CARNMT1: variants seen among roughly 807,000 people sequenced by gnomAD.
The protein encoded by CARNMT1 is protein-L-histidine N-pros-methyltransferase CARNMT1.
A neutral mutation model predicts 49.6 loss-of-function variants in CARNMT1; 28 were observed. The observed-to-expected ratio is 0.56, with a 90% CI of 0.42 to 0.77. The LOEUF is 0.77. CARNMT1 is among the 30% of genes least tolerant of loss of function. The pLI is 0.00. For synonymous variants in CARNMT1, 178 were observed against 175.0 expected (o/e 1.02, Z -0.13); for missense variants, 421 against 512.6 (o/e 0.82, Z 1.73).
rs564570087 is a variant in CARNMT1 at position 74,996,114 on chromosome 9, A to C, written c.1024+333T>G. 9.1e-4 allele frequency: 157 copies of C among 173,288 alleles called. 1 individual carries two copies. The highest frequency in any genetic ancestry group is 3.4e-3 in the African/African-American group (144 of 42,062). The allele number at this position is 173,288 out of a possible 1,614,324, so 10.7% of individuals were successfully genotyped here. ...TGCTTCATTATAGAAAGAAAAAGAG[A>C]ACACTCTCTTCCTAACAGAACGGAC... On this transcript the variant is annotated intron_variant, in intron 6 of 7. Transcript: ENST00000376834.
chr9:75,027,058 T>C, intron 1 of CARNMT1: 1 of 1,303,794 alleles, frequency 7.7e-7, no homozygotes, highest in Non-Finnish European at 1.0e-6. Context: ...TTTACCTGCG[T>C]AGGAGGTCAT....
At position 75,028,003 on chromosome 9, in the gene CARNMT1, G is replaced by A. The variant is rs1282421071; in HGVS notation, c.230+9C>T. ...CGGTCTGGGCCGGGGTCCGCCACGGGCTCCTTACCCGTAGTAGCGGAAGGC... is the reference window on the plus strand; with the variant it reads ...CGGTCTGGGCCGGGGTCCGCCACGGACTCCTTACCCGTAGTAGCGGAAGGC... On this transcript the variant is annotated intron_variant, in intron 1 of 7. Transcript: ENST00000376834. 5 of 1,557,782 alleles carry A rather than the reference G, an allele frequency of 3.2e-6. No individual in the cohort carries two copies. Among genetic ancestry groups the A allele is most frequent in the Admixed American group, 1.9e-5 (1 of 53,240 alleles).
rs1832726844 is a variant in CARNMT1 at position 74,983,058 on chromosome 9, C to T, written c.*709G>A. The T allele has an allele frequency of 6.6e-6, 1 of 151,822 alleles. No homozygotes were observed. The highest frequency in any genetic ancestry group is 1.5e-5 in the Non-Finnish European group (1 of 67,960). The allele number at this position is 151,822 out of a possible 1,614,324, so 9.4% of individuals were successfully genotyped here. On this transcript the variant is annotated 3_prime_UTR_variant, in exon 8 of 8. Coordinates refer to ENST00000376834, the MANE Select transcript of CARNMT1 (RefSeq NM_152420.3). ...TTAAGTTCATCTGAGCCAGAAAATA[C>T]AAAATTAAATTAATCTGAATGATAA...
intron 1 of CARNMT1, among the ~76,000 whole-genome samples, chr9:75,021,722 G>C (rs902174380): frequency 6.6e-6 from 1 of 151,904 alleles, no homozygotes; most frequent in Non-Finnish European, 1.5e-5. Context: ...TTTGAGGCCA[G>C]GTGTTCAAAA....
chr9:75,005,621 T>A (rs1833482262), intron 3 of CARNMT1, among the ~76,000 whole-genome samples: 1 of 151,696 alleles, frequency 6.6e-6, no homozygotes, highest in South Asian at 2.1e-4. Flanking sequence ...TACAGGCACC[T>A]GTCACCACGC....
intron 3 of CARNMT1, among the ~76,000 whole-genome samples, chr9:75,009,520 A>G (rs1045366718): frequency 6.6e-5 from 10 of 152,236 alleles, no homozygotes; most frequent in African/African-American, 2.4e-4. Flanking sequence ...ATAAAATAAA[A>G]GGTGAGAAGC....
chr9:75,018,291 G>A (rs561093720), intron 1 of CARNMT1, among the ~76,000 whole-genome samples: 6 of 152,094 alleles, frequency 3.9e-5, no homozygotes, highest in Admixed American at 2.0e-4. Flanking sequence ...CTCAAACTCC[G>A]GGGCTCAAGC....
chr9:75,020,981 T>C (rs1407276148), intron 1 of CARNMT1, among the ~76,000 whole-genome samples: 3 of 152,094 alleles, frequency 2.0e-5, no homozygotes, highest in Non-Finnish European at 4.4e-5. Flanking sequence ...AAGATAAGAA[T>C]GAACAATGAT....
rs545141700 is a variant in CARNMT1, at chr9:74,982,341, C to G, written c.*1426G>C. 277 of 152,278 alleles carry G rather than the reference C, an allele frequency of 1.8e-3. No individual in the cohort carries two copies. Among genetic ancestry groups the G allele is most frequent in the African/African-American group, 6.3e-3 (263 of 41,562 alleles). 9.4% of individuals were successfully genotyped at this position (152,278 alleles called of 1,614,324 possible). A position where few individuals can be genotyped will look rare whatever the true frequency, so the allele number is the denominator to read the frequency against. On this transcript the variant is annotated 3_prime_UTR_variant, in exon 8 of 8. Coordinates refer to ENST00000376834, the MANE Select transcript of CARNMT1 (RefSeq NM_152420.3). ...AATCACAATCATCTGTGAAAATATT[C>G]AAGAAGAGTTCTTCCTTTTCTCCAA...
At chr9:75,027,198 A>G in intron 1 of CARNMT1, 1 of 1,171,386 alleles carries the variant, frequency 8.5e-7, no homozygotes, top group South Asian at 1.3e-5. Context: ...TGGAATTATA[A>G]TTTTGTGATT....
chr9:75,008,984 T>A (rs1244828189), intron 3 of CARNMT1, among the ~76,000 whole-genome samples: 1 of 149,116 alleles, frequency 6.7e-6, no homozygotes, highest in Non-Finnish European at 1.5e-5. Context: ...GAATATAGAG[T>A]CCAGAAAAAA....
intron 1 of CARNMT1, among the ~76,000 whole-genome samples, chr9:75,024,905 T>TA (rs1259477078): frequency 2.0e-5 from 3 of 152,130 alleles, no homozygotes; most frequent in Non-Finnish European, 2.9e-5. Context: ...ACCAATAACA[T>TA]AAACAACTGA....
intron 4 of CARNMT1, 65 bp downstream of exon 4, chr9:74,999,665 A>G (rs1833297628): frequency 1.4e-6 from 2 of 1,444,004 alleles, no homozygotes; most frequent in African/African-American, 2.9e-5. Context: ...AAATTGTTCA[A>G]GAAAATAGGT....
intron 1 of CARNMT1, chr9:75,026,933 C>T: frequency 2.4e-6 from 1 of 423,596 alleles, no homozygotes; most frequent in Non-Finnish European, 4.4e-6. Flanking sequence ...CAGCCCCTGC[C>T]CTTGAGGAGG....
intron 3 of CARNMT1, among the ~76,000 whole-genome samples, chr9:75,004,903 A>C (rs1833458242): frequency 6.6e-6 from 1 of 152,222 alleles, no homozygotes; most frequent in African/African-American, 2.4e-5. Context: ...AGATCTAAAA[A>C]ATATAGTCCA....
chr9:75,020,235 A>T (rs1822304049), intron 1 of CARNMT1, among the ~76,000 whole-genome samples: 1 of 150,090 alleles, frequency 6.7e-6, no homozygotes, highest in Non-Finnish European at 1.5e-5. Flanking sequence ...ATGAAAATGG[A>T]AGTATTTTTC....
intron 7 of CARNMT1, 27 bp from the exon 8 acceptor site, chr9:74,983,895 C>CTAT: frequency 6.6e-7 from 1 of 1,505,776 alleles, no homozygotes; most frequent in Non-Finnish European, 9.1e-7. Flanking sequence ...AATCATAATA[C>CTAT]TATGACAGTC....
At chr9:74,999,944 T>A in intron 3 of CARNMT1, 74 bp from the exon 4 acceptor site, 1 of 1,412,350 alleles carries the variant, frequency 7.1e-7, no homozygotes, top group Non-Finnish European at 9.6e-7. Context: ...CATTAACAAC[T>A]AAAAACTTAC....
Position 75,028,123 on chromosome 9 carries a change from G to T in CARNMT1, c.119C>A (p.Ala40Asp). 6.4e-7 allele frequency: 1 copy of T among 1,556,130 alleles called. No homozygotes were observed. Residue 40 changes from alanine (A) to aspartate (D), a missense_variant, in exon 1 of 8, where the codon GCC becomes GAC. Ala to Asp is a moderately radical substitution (Grantham distance 126, BLOSUM62 -2). Around this residue, in one of 2 missense-constraint regions of CARNMT1, gnomAD observed 186 missense variants for 167.9 expected, o/e 1.11. Transcript: ENST00000376834. ...VQFSAGRWGS[A>D]AAVSAAAAAA... ...CGCCGCTGCCGCCGAAACCGCCGCG[G>T]CCGAGCCCCAACGCCCGGCGGAAAA...
Sources: allele counts gnomAD v4.1 joint callset (sites outside exome capture counted in the v4.1 genomes callset), GRCh38; gene constraint gnomAD v4.1.1; regional missense constraint gnomAD v4.1.1; transcripts MANE v1.5; gene names NCBI Gene and HGNC (gene_info 2026-07-23, HGNC 2026-07-21).